The following NRF1 variants were observed in gnomAD, a reference collection of about 807,000 sequenced individuals.
NRF1 encodes the protein alpha palindromic-binding protein.
A neutral mutation model predicts 58.5 loss-of-function variants in NRF1; 5 were observed. The ratio of observed to expected loss-of-function variants is 0.09; its 90% CI spans 0.04 to 0.18. NRF1 has a LOEUF of 0.18. Among genes scored for constraint, NRF1 ranks in the 10% least tolerant of loss-of-function variants. The pLI, the probability that NRF1 is intolerant of heterozygous loss-of-function variation, is 1.00. For synonymous variants in NRF1, 224 were observed against 246.7 expected (o/e 0.91, Z 0.86); for missense variants, 288 against 657.7 (o/e 0.44, Z 6.15).
At chr7:129,709,278 A>G in intron 6 of NRF1, 45 bp downstream of exon 6, 3 of 1,397,186 alleles carry the variant, frequency 2.1e-6, no homozygotes, top group Non-Finnish European at 1.9e-6. Flanking sequence ...TTTCCATCCT[A>G]AATTAACCAC....
chr7:129,713,963 T>C (rs1296112580), intron 8 of NRF1, among the ~76,000 whole-genome samples: 1 of 152,250 alleles, frequency 6.6e-6, no homozygotes, highest in Non-Finnish European at 1.5e-5. Flanking sequence ...AGTGGGCCTC[T>C]CTCAGAAATG....
At chr7:129,677,886 A>G in intron 4 of NRF1, 128 bp downstream of exon 4, 5 of 1,092,930 alleles carry the variant, frequency 4.6e-6, no homozygotes, top group Non-Finnish European at 6.6e-6. Flanking sequence ...GGGAGTGGGG[A>G]CTAGTTTTCA....
chr7:129,636,040 G>A (rs554333254), intron 1 of NRF1, among the ~76,000 whole-genome samples: 18 of 152,094 alleles, frequency 1.2e-4, no homozygotes, highest in Admixed American at 3.3e-4. Context: ...GCTTTTTCTC[G>A]TATCTTTAAA....
At position 129,755,074 on chromosome 7, in the gene NRF1, G is replaced by A. The variant is rs1804220457; in HGVS notation, c.1405G>A (p.Gly469Ser). ...YQTVVTSLAQGNGPVQVAMAP... is the reference protein window; with the variant it reads ...YQTVVTSLAQSNGPVQVAMAP... ...GACTGTGGTGACCAGCCTCGCCCAG[G>A]GCAACGGACCAGTGCAGGTGGCCAT... is the stretch of plus-strand genomic sequence containing the variant. The change falls in exon 11 of 11, where the codon GGC becomes AGC. Residue 469 changes from glycine to serine, a missense_variant. Physicochemically the swap from Gly to Ser is moderately conservative, Grantham distance 56 (BLOSUM62 0). Transcript: ENST00000393232. This position sits in a 1 kb window ranked among gnomAD's most constrained non-coding sequence, Gnocchi z 5.8. 1 of 1,613,812 alleles carries A rather than the reference G, an allele frequency of 6.2e-7. No individual in the cohort carries two copies. Among genetic ancestry groups the A allele is most frequent in the East Asian group, 2.2e-5 (1 of 44,838 alleles).
At chr7:129,628,028 A>G (rs560249880) in intron 1 of NRF1, among the ~76,000 whole-genome samples, 53 of 138,766 alleles carry the variant, frequency 3.8e-4, no homozygotes, top group African/African-American at 1.2e-3. Flanking sequence ...CTATAAGCCA[A>G]TGGTTCTTTT....
At chr7:129,690,643 AC>A in intron 5 of NRF1, 97 bp downstream of exon 5, 2 of 1,318,058 alleles carry the variant, frequency 1.5e-6, no homozygotes, top group Non-Finnish European at 2.1e-6. Context: ...CAGTGATCTG[AC>A]CAGGGAGTGA....
chr7:129,639,584 C>T (rs1352414877), intron 1 of NRF1, among the ~76,000 whole-genome samples: 3 of 147,442 alleles, frequency 2.0e-5, no homozygotes, highest in South Asian at 4.3e-4. Flanking sequence ...CTTGCTCTGT[C>T]GCCCAGGCTG....
chr7:129,615,906 T>C (rs1800649106), intron 1 of NRF1, among the ~76,000 whole-genome samples: 1 of 152,176 alleles, frequency 6.6e-6, no homozygotes, highest in Non-Finnish European at 1.5e-5. Flanking sequence ...AAAACCATAT[T>C]GAGCTATTGG....
chr7:129,683,229 C>T (rs1802362663), intron 4 of NRF1, among the ~76,000 whole-genome samples: 1 of 150,454 alleles, frequency 6.6e-6, no homozygotes. Context: ...GATCATAGTA[C>T]AGAAAATTCA....
intron 1 of NRF1, among the ~76,000 whole-genome samples, chr7:129,625,675 ATTTTTTTTT>A (rs56694598): frequency 4.5e-5 from 4 of 88,992 alleles, no homozygotes; most frequent in East Asian, 3.5e-4. Flanking sequence ...TAATGTTTTA[ATTTTTTTTT>A]TTTTTTTTTT....
intron 10 of NRF1, among the ~76,000 whole-genome samples, chr7:129,752,213 G>A (rs1804134665): frequency 6.6e-6 from 1 of 152,222 alleles, no homozygotes; most frequent in South Asian, 2.1e-4. Context: ...GGCTGCTCCA[G>A]CATTGATAAG....
chr7:129,689,819 C>G (rs971514519), intron 4 of NRF1, among the ~76,000 whole-genome samples: 3 of 152,198 alleles, frequency 2.0e-5, no homozygotes, highest in Non-Finnish European at 4.4e-5. Flanking sequence ...CCCTTTGGCC[C>G]GGGCCTTACC....
At chr7:129,704,677 G>C (rs1317879397) in intron 5 of NRF1, among the ~76,000 whole-genome samples, 3 of 152,116 alleles carry the variant, frequency 2.0e-5, no homozygotes, top group Non-Finnish European at 2.9e-5. Flanking sequence ...ATTTATTTGT[G>C]TTTTATATAC....
intron 4 of NRF1, among the ~76,000 whole-genome samples, chr7:129,684,761 A>G (rs1802406558): frequency 6.6e-6 from 1 of 152,222 alleles, no homozygotes; most frequent in Non-Finnish European, 1.5e-5. Context: ...TAGTATAGTG[A>G]AAGCCCCGTT....
chr7:129,683,553 C>T (rs1802377228), intron 4 of NRF1, among the ~76,000 whole-genome samples: 2 of 151,110 alleles, frequency 1.3e-5, no homozygotes, highest in Admixed American at 1.3e-4. Context: ...TGGTCTCAAA[C>T]TCCAGACCTC....
At chr7:129,725,831 A>G (rs1803440628) in intron 9 of NRF1, among the ~76,000 whole-genome samples, 1 of 152,370 alleles carries the variant, frequency 6.6e-6, no homozygotes, top group South Asian at 2.1e-4. Flanking sequence ...AAATTCTTCT[A>G]TTTAATGACA....
intron 2 of NRF1, among the ~76,000 whole-genome samples, chr7:129,661,556 A>C (rs923189926): frequency 2.0e-5 from 3 of 150,982 alleles, no homozygotes; most frequent in Non-Finnish European, 4.4e-5. Context: ...GGGCAGGGGC[A>C]AAATGCCACC....
intron 1 of NRF1, among the ~76,000 whole-genome samples, chr7:129,651,939 A>G (rs2151072979): frequency 6.6e-6 from 1 of 152,346 alleles, no homozygotes; most frequent in South Asian, 2.1e-4. Flanking sequence ...GAAAAGTTGC[A>G]AGAATAGTAC....
chr7:129,616,759 A>G (rs1202254299), intron 1 of NRF1, among the ~76,000 whole-genome samples: 1 of 152,220 alleles, frequency 6.6e-6, no homozygotes, highest in African/African-American at 2.4e-5. Context: ...CAATCACAAC[A>G]TAGTTTGTGT....
Sources: allele counts gnomAD v4.1 joint callset (sites outside exome capture counted in the v4.1 genomes callset), GRCh38; gene constraint gnomAD v4.1.1; non-coding constraint Gnocchi (gnomAD v3.1); transcripts MANE v1.5; gene names NCBI Gene and HGNC (gene_info 2026-07-23, HGNC 2026-07-21).